Variants in ZSCAN21 observed in about 807,000 individuals in gnomAD.
ZSCAN21 encodes zinc finger and SCAN domain containing 21.
ZSCAN21 carries 26 observed loss-of-function variants against 35.6 expected under a neutral mutation model. The ratio of observed to expected loss-of-function variants is 0.73; its 90% confidence interval spans 0.54 to 1.01. The LOEUF (loss-of-function observed/expected upper bound fraction) is 1.01. Among genes scored for constraint, ZSCAN21 ranks in the 50% least tolerant of loss-of-function variants. The pLI, the probability that ZSCAN21 is intolerant of heterozygous loss-of-function variation, is 0.00. For synonymous variants in ZSCAN21, 219 were observed against 219.3 expected (o/e 1.00, Z 0.01); for missense variants, 593 against 587.1 (o/e 1.01, Z -0.10).
At position 100,064,660 on chromosome 7, in the gene ZSCAN21, A is replaced by C. The variant is rs1792546651; in HGVS notation, c.*43A>C. On this transcript the variant is annotated 3_prime_UTR_variant, in exon 4 of 4. Transcript: ENST00000292450. The stretch of plus-strand genomic sequence containing the variant: ...TGTTGTCGTTGTTTTAAACTTTAGA[A>C]TCTGAAAACCAGAAAGAAGTCTTGT... 1 of 1,602,944 alleles carries C rather than the reference A, an allele frequency of 6.2e-7. No individual in the cohort carries two copies. Among genetic ancestry groups the C allele is most frequent in the South Asian group, 1.1e-5 (1 of 89,946 alleles).
intron 1 of ZSCAN21, among the ~76,000 whole-genome samples, chr7:100,053,057 C>T (rs894970197): frequency 2.7e-5 from 4 of 149,108 alleles, no homozygotes; most frequent in Admixed American, 1.4e-4. Context: ...ACTCGGGAGG[C>T]GAAGGTTGCA....
chr7:100,052,161 G>C (rs1302150121), intron 1 of ZSCAN21, among the ~76,000 whole-genome samples: 1 of 152,100 alleles, frequency 6.6e-6, no homozygotes, highest in Non-Finnish European at 1.5e-5. Flanking sequence ...GGAGGCTGAG[G>C]TGAGAGGATC....
At chr7:100,059,506 C>T (rs537565270) in intron 3 of ZSCAN21, among the ~76,000 whole-genome samples, 1 of 151,740 alleles carries the variant, frequency 6.6e-6, no homozygotes, top group African/African-American at 2.4e-5. Flanking sequence ...GCTGCTGGGC[C>T]CTCCTAAGGA....
chr7:100,063,899 C>G lies in ZSCAN21; in HGVS notation c.704C>G (p.Ala235Gly). The change falls in exon 4 of 4, where the codon GCC becomes GGC. Residue 235 changes from alanine (A) to glycine (G), a missense_variant. By Grantham distance (60) the Ala-to-Gly change is moderately conservative (BLOSUM62 0). Transcript: ENST00000292450. ...ISVIIANKPE[A>G]SLERQCVNLE... ...GTGATTATCGCCAATAAACCTGAGG[C>G]CAGCTTAGAGAGGCAGTGCGTAAAC... 1 of 1,614,118 alleles carries G rather than the reference C, an allele frequency of 6.2e-7. No individual in the cohort carries two copies. Among genetic ancestry groups the G allele is most frequent in the Non-Finnish European group, 8.5e-7 (1 of 1,180,046 alleles).
chr7:100,056,400 A>C (rs1792075920), intron 1 of ZSCAN21, among the ~76,000 whole-genome samples: 1 of 152,126 alleles, frequency 6.6e-6, no homozygotes, highest in Admixed American at 6.6e-5. Flanking sequence ...ATTATGCCAC[A>C]TTGCACTTTT....
rs560405114 is a variant in ZSCAN21 at position 100,060,578 on chromosome 7, C to A, written c.592+2688C>A. Among the ~76,000 whole-genome samples the A allele has an allele frequency of 2.5e-3, 362 of 146,324 alleles. 1 individual carries two copies. The highest frequency in any genetic ancestry group is 8.4e-3 in the African/African-American group (334 of 39,558). ...TCCATCTCAAAAAATAAAAAAAAAA[C>A]CAGACTGGCTGGGCATGGTGGCTCA... On this transcript the variant is annotated intron_variant, in intron 3 of 3. Transcript: ENST00000292450.
intron 1 of ZSCAN21, among the ~76,000 whole-genome samples, chr7:100,050,482 G>A (rs1403626395): frequency 6.6e-6 from 1 of 152,094 alleles, no homozygotes; most frequent in African/African-American, 2.4e-5. Flanking sequence ...CGAGGCCGGC[G>A]GATCACTTGA....
intron 3 of ZSCAN21, among the ~76,000 whole-genome samples, chr7:100,060,529 TC>T (rs750328818): frequency 6.6e-6 from 1 of 151,234 alleles, no homozygotes; most frequent in Non-Finnish European, 1.5e-5. Flanking sequence ...GCCATTGCAC[TC>T]CAGCCTGGCA....
In ZSCAN21 at chr7:100,052,062, T is replaced by A. The variant is rs996070768; in HGVS notation, c.-97+2221T>A. 6.6e-5 allele frequency among the ~76,000 whole-genome samples: 10 copies of A among 151,824 alleles called. No individual in the cohort carries two copies. In the East Asian group the frequency reaches 1.7e-3, roughly 26 times the overall value. On this transcript the variant is annotated intron_variant, in intron 1 of 3. Coordinates refer to ENST00000292450, the MANE Select transcript of ZSCAN21 (RefSeq NM_145914.3). ...CTCAGCCTGGGCAACAAAGCAAGAC[T>A]TCGTTTCTACAAAAATAAGTAAATC... is the stretch of plus-strand genomic sequence containing the variant.
Position 100,056,942 on chromosome 7 carries a change from C to A in ZSCAN21, c.-65C>A. ...CTTGTGGCCCTAAAGAACTGGAAAC[C>A]CAAAGGAACGAATATTCCTGCCCCA... On this transcript the variant is annotated 5_prime_UTR_variant, in exon 2 of 4. Transcript: ENST00000292450. 1 of 1,473,064 alleles carries A rather than the reference C, an allele frequency of 6.8e-7. No homozygotes were observed. 91.2% of individuals were successfully genotyped at this position (1,473,064 alleles called of 1,614,324 possible). A position where few individuals can be genotyped will look rare whatever the true frequency, so the allele number is the denominator to read the frequency against.
Position 100,057,023 on chromosome 7 carries a change from T to G in ZSCAN21, c.17T>G (p.Leu6Arg). ...GGAGTTTACATGATGACCAAGGTAC[T>G]AGGCATGGCCCCAGTTCTGGGCCCT... MMTKVLGMAPVLGPRP... is the reference protein window; with the variant it reads MMTKVRGMAPVLGPRP... The change falls in exon 2 of 4, where the codon CTA becomes CGA. Residue 6 changes from leucine to arginine, a missense_variant. Coordinates refer to ENST00000292450, the MANE Select transcript of ZSCAN21 (RefSeq NM_145914.3). 6.2e-7 allele frequency: 1 copy of G among 1,610,514 alleles called. No individual in the cohort carries two copies. Among genetic ancestry groups the G allele is most frequent in the South Asian group, 1.1e-5 (1 of 90,776 alleles).
chr7:100,053,546 A>ATACATAGTTTTTTTTTTTTTTTTT (rs755978112), intron 1 of ZSCAN21, among the ~76,000 whole-genome samples: 1 of 79,488 alleles, frequency 1.3e-5, no homozygotes, highest in Non-Finnish European at 2.6e-5. Flanking sequence ...TACATACATA[A>ATACATAGTTTTTTTTTTTTTTTTT]TTTTTTTTTT....
Position 100,063,823 on chromosome 7 carries a change from G to A in ZSCAN21, c.628G>A (p.Asp210Asn), listed in dbSNP as rs758940868. ...GAGTACCCAGCACGAGGAATCAGCA[G>A]ATGAGCAGAAAGGTTCTGAAGCAGA... ...RLSTQHEESA[D>N]EQKGSEAEGL... Residue 210 changes from aspartate (D) to asparagine (N), a missense_variant, in exon 4 of 4, where the codon GAT (aspartate) becomes AAT (asparagine). Asp to Asn is a conservative substitution (Grantham distance 23). Transcript: ENST00000292450. 1.2e-6 allele frequency: 2 copies of A among 1,612,910 alleles called. No individual in the cohort carries two copies. The highest frequency in any genetic ancestry group is 1.7e-6 in the Non-Finnish European group (2 of 1,179,648).
At chr7:100,060,248 T>C (rs980585791) in intron 3 of ZSCAN21, among the ~76,000 whole-genome samples, 1 of 152,082 alleles carries the variant, frequency 6.6e-6, no homozygotes, top group Non-Finnish European at 1.5e-5. Flanking sequence ...GTATGTTTAA[T>C]AGCTGTTCCA....
intron 1 of ZSCAN21, among the ~76,000 whole-genome samples, chr7:100,050,888 G>A (rs1791834572): frequency 6.6e-6 from 1 of 151,606 alleles, no homozygotes; most frequent in African/African-American, 2.4e-5. Context: ...TGCGGAATTT[G>A]ATTCAGGTTA....
intron 1 of ZSCAN21, among the ~76,000 whole-genome samples, chr7:100,053,125 C>CAAAA (rs1026582023): frequency 2.6e-5 from 2 of 75,772 alleles, no homozygotes; most frequent in African/African-American, 5.0e-5. Context: ...GACTCCATCT[C>CAAAA]AAAAAAAAAA....
At position 100,064,148 on chromosome 7, in the gene ZSCAN21, C is replaced by T; in HGVS notation, c.953C>T (p.Ser318Leu). 1 of 1,614,176 alleles carries T rather than the reference C, an allele frequency of 6.2e-7. No individual in the cohort carries two copies. Among genetic ancestry groups the T allele is most frequent in the African/African-American group, 1.3e-5 (1 of 75,044 alleles). ...TKCGKAFSHS[S>L]NLTLHYRTHL... ...TGTGGGAAAGCTTTCAGCCACAGCT[C>T]AAACCTCACCCTCCACTACAGAACA... Residue 318 changes from serine to leucine, a missense_variant, in exon 4 of 4, where the codon TCA (serine) becomes TTA (leucine). Coordinates refer to ENST00000292450, the MANE Select transcript of ZSCAN21 (RefSeq NM_145914.3).
chr7:100,051,178 CAAAAAAAAAAAA>C (rs369246193), intron 1 of ZSCAN21, among the ~76,000 whole-genome samples: 4 of 41,366 alleles, frequency 9.7e-5, no homozygotes, highest in Admixed American at 2.7e-4. Context: ...AACTACGTCT[CAAAAAAAAAAAA>C]AAAAAAAAAA....
At chr7:100,050,320 T>C (rs1791813616) in intron 1 of ZSCAN21, among the ~76,000 whole-genome samples, 1 of 152,120 alleles carries the variant, frequency 6.6e-6, no homozygotes, top group Non-Finnish European at 1.5e-5. Flanking sequence ...TCGGGCTTTG[T>C]TCGGGCTAGA....
Sources: allele counts gnomAD v4.1 joint callset (sites outside exome capture counted in the v4.1 genomes callset), GRCh38; gene constraint gnomAD v4.1.1; transcripts MANE v1.5; gene names NCBI Gene and HGNC (gene_info 2026-07-23, HGNC 2026-07-21).